ALG5: variants seen among roughly 807,000 people sequenced by gnomAD.
ALG5 encodes dolichyl-phosphate beta-glucosyltransferase.
A neutral mutation model predicts 51.8 loss-of-function variants in ALG5; 26 were observed. That is an observed-to-expected ratio of 0.50 (90% CI 0.37 to 0.70). The LOEUF is 0.70. Among genes scored for constraint, ALG5 ranks in the 30% least tolerant of loss-of-function variants. The probability of loss-of-function intolerance (pLI) is 0.00; values close to 1 mark genes in which losing one functional copy is unlikely to be tolerated. For missense variants in ALG5, 311 were observed against 399.3 expected (o/e 0.78, Z 1.88); for synonymous variants, 141 against 136.1 (o/e 1.04, Z -0.25).
chr13:36,988,957 T>C (rs2059013759), intron 5 of ALG5, among the ~76,000 whole-genome samples: 1 of 152,266 alleles, frequency 6.6e-6, no homozygotes, highest in South Asian at 2.1e-4. Flanking sequence ...GCTTGATTCA[T>C]AGCTGATATG....
chr13:36,994,334 A>T (rs1379491500), intron 3 of ALG5, among the ~76,000 whole-genome samples: 2 of 152,066 alleles, frequency 1.3e-5, no homozygotes, highest in Admixed American at 6.5e-5. Flanking sequence ...ATTTTTTTTT[A>T]AAAAGAACTC....
chr13:36,986,712 C>T (rs2059003529), intron 5 of ALG5, among the ~76,000 whole-genome samples: 1 of 152,054 alleles, frequency 6.6e-6, no homozygotes, highest in African/African-American at 2.4e-5. Flanking sequence ...ATTGCTTGAG[C>T]TCAGGAGTTT....
chr13:36,984,247 C>T (rs1267297196), intron 6 of ALG5, among the ~76,000 whole-genome samples: 3 of 151,860 alleles, frequency 2.0e-5, no homozygotes, highest in Non-Finnish European at 2.9e-5. Flanking sequence ...TAGACGCATA[C>T]ACCACCACAC....
intron 4 of ALG5, among the ~76,000 whole-genome samples, chr13:36,991,491 T>C (rs1170046184): frequency 6.6e-6 from 1 of 152,246 alleles, no homozygotes; most frequent in East Asian, 1.9e-4. Context: ...GTTGTAGCAC[T>C]GTTAACTAGC....
Position 36,982,306 on chromosome 13 carries a change from T to A in ALG5, c.561+3321A>T, listed in dbSNP as rs115603840. Among the ~76,000 whole-genome samples, 271 of 152,366 alleles carry A rather than the reference T, an allele frequency of 1.8e-3. 2 individuals are homozygous for A. Among genetic ancestry groups the A allele is most frequent in the African/African-American group, 6.3e-3 (263 of 41,584 alleles). On this transcript the variant is annotated intron_variant, in intron 6 of 9. Coordinates refer to ENST00000239891, the MANE Select transcript of ALG5 (RefSeq NM_013338.5). ...TTGGTGTCTAGAGGAACTTCACAGC[T>A]GAGCTGAGACAGAATGAGCTGCTTA...
chr13:36,957,556 G>A (rs1032361065), intron 8 of ALG5, among the ~76,000 whole-genome samples: 1 of 151,700 alleles, frequency 6.6e-6, no homozygotes, highest in Non-Finnish European at 1.5e-5. Flanking sequence ...AGGAAGAGTC[G>A]AGAAAATGAA....
chr13:36,987,919 C>G (rs2059009121), intron 5 of ALG5, among the ~76,000 whole-genome samples: 1 of 152,134 alleles, frequency 6.6e-6, no homozygotes, highest in East Asian at 1.9e-4. Flanking sequence ...GTAAAAGCCC[C>G]TCGTCTACAG....
At chr13:36,984,380 C>A in intron 6 of ALG5, among the ~76,000 whole-genome samples, 1 of 152,096 alleles carries the variant, frequency 6.6e-6, no homozygotes, top group Non-Finnish European at 1.5e-5. Context: ...GAATTACAGG[C>A]ATGTAAACCT....
chr13:36,994,154 C>T (rs191317133), intron 3 of ALG5, among the ~76,000 whole-genome samples: 16 of 152,198 alleles, frequency 1.1e-4, no homozygotes, highest in African/African-American at 2.9e-4. Flanking sequence ...GAAGATTACA[C>T]GTAATTGAAG....
At chr13:36,955,318 G>A (rs752454046) in intron 8 of ALG5, among the ~76,000 whole-genome samples, 4 of 152,150 alleles carry the variant, frequency 2.6e-5, no homozygotes, top group Non-Finnish European at 4.4e-5. Flanking sequence ...GAGTGTTTTA[G>A]TGCCATACTA....
chr13:36,970,608 A>G (rs2058918173), intron 7 of ALG5, among the ~76,000 whole-genome samples: 2 of 147,904 alleles, frequency 1.4e-5, no homozygotes, highest in Non-Finnish European at 3.0e-5. Flanking sequence ...TCATAAAAAC[A>G]AAAAAAACAA....
rs767947559 is a variant in ALG5, at chr13:36,993,639, C to T, written c.319G>A (p.Val107Ile). The T allele has an allele frequency of 3.7e-6, 6 of 1,613,684 alleles. No homozygotes were observed. The highest frequency in any genetic ancestry group is 5.1e-6 in the Non-Finnish European group (6 of 1,179,968). Residue 107 changes from valine (V) to isoleucine (I), a missense_variant, in exon 4 of 10, where the codon GTA (valine) becomes ATA (isoleucine). Coordinates refer to ENST00000239891, the MANE Select transcript of ALG5 (RefSeq NM_013338.5). The stretch of plus-strand genomic sequence containing the variant: ...TGATCTTTACTGCCATCATCAACTA[C>T]TATCACTTCATAAGTGAACGCAGGA... ...RDPAFTYEVI[V>I]VDDGSKDQTS...
chr13:36,967,925 T>C (rs554169876), intron 7 of ALG5: 7 of 609,706 alleles, frequency 1.1e-5, no homozygotes, highest in Non-Finnish European at 1.7e-5. Flanking sequence ...GTGAGCTTAT[T>C]TGTTCGCAAA....
chr13:36,958,420 G>A (rs1369911119), intron 8 of ALG5, among the ~76,000 whole-genome samples: 1 of 152,148 alleles, frequency 6.6e-6, no homozygotes. Flanking sequence ...AATTGAAGCT[G>A]TAAAACTACA....
At chr13:36,974,987 C>A (rs1274710294) in intron 6 of ALG5, among the ~76,000 whole-genome samples, 1 of 152,124 alleles carries the variant, frequency 6.6e-6, no homozygotes, top group Non-Finnish European at 1.5e-5. Context: ...CCGAGGCAGG[C>A]ACATCACAAG....
At chr13:36,988,004 T>C (rs1036032929) in intron 5 of ALG5, among the ~76,000 whole-genome samples, 5 of 152,186 alleles carry the variant, frequency 3.3e-5, no homozygotes, top group African/African-American at 9.7e-5. Flanking sequence ...GGGTCCTTTA[T>C]TGTGGCATGT....
chr13:36,980,221 T>C (rs1324535527), intron 6 of ALG5, among the ~76,000 whole-genome samples: 2 of 152,136 alleles, frequency 1.3e-5, no homozygotes, highest in Non-Finnish European at 2.9e-5. Context: ...TACTTTGGGA[T>C]TATTTTTTGA....
intron 6 of ALG5, among the ~76,000 whole-genome samples, chr13:36,981,747 C>A (rs2058980344): frequency 6.6e-6 from 1 of 152,126 alleles, no homozygotes; most frequent in Non-Finnish European, 1.5e-5. Flanking sequence ...CGAACAGACA[C>A]ATCTTCAGTG....
At chr13:36,995,289 TACA>T in intron 2 of ALG5, 133 bp downstream of exon 2, 3 of 984,498 alleles carry the variant, frequency 3.0e-6, no homozygotes, top group East Asian at 2.5e-5. Context: ...TCTGCCGAAC[TACA>T]ACAATTATCA....
Sources: gnomAD v4.1 joint callset for allele counts (sites outside exome capture counted in the v4.1 genomes callset) on GRCh38, gnomAD v4.1.1 for gene constraint, MANE v1.5 for transcripts, NCBI Gene and HGNC (gene_info 2026-07-23, HGNC 2026-07-21) for gene names.